Variants in SERPINB8 observed in about 807,000 individuals in gnomAD.
SERPINB8 encodes the protein serpin family B member 8.
In SERPINB8, 25 loss-of-function variants were observed where a neutral mutation model predicts 35.3. The observed-to-expected ratio is 0.71, with a 90% CI of 0.52 to 0.99. SERPINB8 has a LOEUF of 0.99. SERPINB8 is among the 50% of genes least tolerant of loss of function. The probability of loss-of-function intolerance (pLI) is 0.00; values close to 1 mark genes in which losing one functional copy is unlikely to be tolerated. For synonymous variants in SERPINB8, 186 were observed against 160.8 expected (o/e 1.16, Z -1.19); for missense variants, 484 against 446.5 (o/e 1.08, Z -0.76).
At chr18:63,992,240 C>T (rs890432652), downstream of SERPINB8, among the ~76,000 whole-genome samples, 1 of 152,094 alleles carries the variant, frequency 6.6e-6, no homozygotes, top group African/African-American at 2.4e-5. Context: ...TTGGTGAAAC[C>T]ATCCGAGACT....
chr18:64,000,306 G>A (rs942107899), intron 1 of SERPINB8, among the ~76,000 whole-genome samples: 8 of 152,094 alleles, frequency 5.3e-5, no homozygotes, highest in Admixed American at 2.0e-4. Context: ...ACTAATTACC[G>A]GGTTATTGTC....
At chr18:64,002,789 C>T (rs535826091) in intron 1 of SERPINB8, among the ~76,000 whole-genome samples, 25 of 152,240 alleles carry the variant, frequency 1.6e-4, no homozygotes, top group Admixed American at 8.5e-4. Context: ...AGGGACTCAC[C>T]CCGACCGCGG....
chr18:64,014,901 C>T (rs1247890337), intron 7 of SERPINB8, among the ~76,000 whole-genome samples: 2 of 152,118 alleles, frequency 1.3e-5, no homozygotes, highest in South Asian at 4.1e-4. Context: ...CTGAATATCT[C>T]GCCTCTTGAG....
In SERPINB8 at chr18:63,999,896, G is replaced by A. The variant is rs749441269; in HGVS notation, c.71-4923G>A. Among the ~76,000 whole-genome samples the A allele has an allele frequency of 8.4e-4, 128 of 152,164 alleles. 3 individuals are homozygous for A. Among genetic ancestry groups the A allele is most frequent in the Non-Finnish European group, 2.2e-4 (15 of 68,036 alleles). ...CTCTTTGCTCATGTGTATGCTCTGGGTGGTTTTTCCCACTGCTCAGGTCCC... is the reference window on the plus strand; with the variant it reads ...CTCTTTGCTCATGTGTATGCTCTGGATGGTTTTTCCCACTGCTCAGGTCCC... On this transcript the variant is annotated intron_variant, in intron 1 of 1. Coordinates refer to the SERPINB8 transcript ENST00000493661.
At chr18:64,003,013 G>A (rs2050883435) in intron 1 of SERPINB8, among the ~76,000 whole-genome samples, 1 of 152,202 alleles carries the variant, frequency 6.6e-6, no homozygotes, top group Admixed American at 6.5e-5. Context: ...GTTCTTGGCC[G>A]TCTGACCGCA....
chr18:63,983,971 C>T (rs991301116), intron 5 of SERPINB8, among the ~76,000 whole-genome samples: 23 of 152,278 alleles, frequency 1.5e-4, no homozygotes, highest in African/African-American at 5.3e-4. Context: ...CTTAGCTTCC[C>T]AAGTAGCTGT....
In SERPINB8 at chr18:63,989,159, T is replaced by C. The variant is rs1042593270; in HGVS notation, c.*1881T>C. The C allele has an allele frequency of 3.9e-5, 6 of 152,240 alleles. No homozygotes were observed. Among genetic ancestry groups the C allele is most frequent in the African/African-American group, 1.4e-4 (6 of 41,460 alleles). The allele number at this position is 152,240 out of a possible 1,614,324, so 9.4% of individuals were successfully genotyped here. ...ATGGAACCATACATCATCTATGCTT[T>C]GTAGTATGACTCCTGTCACTCAGTA... is the stretch of plus-strand genomic sequence containing the variant. On this transcript the variant is annotated 3_prime_UTR_variant, in exon 7 of 7. Coordinates refer to ENST00000397985, the MANE Select transcript of SERPINB8 (RefSeq NM_002640.4).
chr18:64,002,276 C>G (rs951054635), intron 1 of SERPINB8, among the ~76,000 whole-genome samples: 4 of 152,116 alleles, frequency 2.6e-5, no homozygotes, highest in Admixed American at 2.0e-4. Context: ...ACGCCTGGCT[C>G]TGTATATGGG....
In SERPINB8 at chr18:64,002,563, C is replaced by G. The variant is rs1378004928; in HGVS notation, c.71-2256C>G. 3.3e-5 allele frequency among the ~76,000 whole-genome samples: 5 copies of G among 152,198 alleles called. No individual in the cohort carries two copies. The East Asian group carries it at 9.6e-4, about 29-fold the overall frequency. ...CTCCAGTTAATTTCAAGACACTTTC[C>G]CTTTCAGAATCGTTTTGGAGTCCTC... is the stretch of plus-strand genomic sequence containing the variant. On this transcript the variant is annotated intron_variant, in intron 1 of 1. Coordinates refer to the SERPINB8 transcript ENST00000493661.
intron 1 of SERPINB8, chr18:64,004,671 A>C (rs921006888): frequency 2.6e-6 from 1 of 391,656 alleles, no homozygotes; most frequent in African/African-American, 2.1e-5. Context: ...ATTTATTTTT[A>C]CTTCACTTAT....
chr18:63,974,520 C>T (rs2050550274), intron 1 of SERPINB8, among the ~76,000 whole-genome samples: 1 of 152,064 alleles, frequency 6.6e-6, no homozygotes, highest in Non-Finnish European at 1.5e-5. Context: ...TATTTAATTG[C>T]CTCTGTCTTT....
chr18:63,976,979 T>C (rs2050592374), intron 1 of SERPINB8, among the ~76,000 whole-genome samples: 1 of 152,072 alleles, frequency 6.6e-6, no homozygotes, highest in African/African-American at 2.4e-5. Context: ...CCCTCCAAAT[T>C]TGGTGAAATG....
At chr18:63,990,198 C>G (rs2050817624), downstream of SERPINB8, among the ~76,000 whole-genome samples, 2 of 151,160 alleles carry the variant, frequency 1.3e-5, no homozygotes, top group Admixed American at 1.3e-4. Flanking sequence ...GCCTCAGACC[C>G]CTGAGTAGCT....
chr18:63,997,600 C>A (rs908525691), intron 1 of SERPINB8, among the ~76,000 whole-genome samples: 2 of 152,174 alleles, frequency 1.3e-5, no homozygotes, highest in African/African-American at 4.8e-5. Flanking sequence ...TATCCCTTGG[C>A]AAGTTCAGCA....
At position 63,981,749 on chromosome 18, in the gene SERPINB8, A is replaced by G. The variant is rs774209235; in HGVS notation, c.335A>G (p.Tyr112Cys). 8.1e-6 allele frequency: 13 copies of G among 1,613,590 alleles called. No individual in the cohort carries two copies. The highest frequency in any genetic ancestry group is 7.7e-5 in the South Asian group (7 of 91,070). ...PDFKEYCQKF[Y>C]QAELEELSFA... ...TTTAAAGAATACTGTCAGAAGTTCT[A>G]TCAGGCAGAGCTGGAGGAGTTGTCC... Residue 112 changes from tyrosine (Y) to cysteine (C), a missense_variant, in exon 4 of 7, where the codon TAT becomes TGT. Coordinates refer to ENST00000397985, the MANE Select transcript of SERPINB8 (RefSeq NM_002640.4).
At chr18:63,982,929 A>C (rs2050694392) in intron 4 of SERPINB8, among the ~76,000 whole-genome samples, 3 of 143,016 alleles carry the variant, frequency 2.1e-5, no homozygotes, top group South Asian at 2.2e-4. Context: ...TGCCCCATTC[A>C]CCCCCTTCAG....
At chr18:64,012,504 A>G (rs2050930094) in intron 7 of SERPINB8, among the ~76,000 whole-genome samples, 2 of 151,904 alleles carry the variant, frequency 1.3e-5, no homozygotes, top group African/African-American at 4.8e-5. Context: ...ATTTTTTTCA[A>G]CAATGTTCTA....
At chr18:63,980,878 C>A (rs1215272170) in intron 3 of SERPINB8, among the ~76,000 whole-genome samples, 1 of 152,168 alleles carries the variant, frequency 6.6e-6, no homozygotes, top group Non-Finnish European at 1.5e-5. Context: ...CTATTATATC[C>A]AAAGCCAGGT....
intron 1 of SERPINB8, among the ~76,000 whole-genome samples, chr18:63,975,139 A>C (rs986621769): frequency 7.4e-5 from 11 of 147,710 alleles, no homozygotes; most frequent in South Asian, 4.3e-4. Context: ...ACACACACAC[A>C]CCCCAACCTA....
Sources: allele counts gnomAD v4.1 joint callset (sites outside exome capture counted in the v4.1 genomes callset), GRCh38; gene constraint gnomAD v4.1.1; transcripts MANE v1.5; gene names NCBI Gene and HGNC (gene_info 2026-07-23, HGNC 2026-07-21).